The following SNTG1 variants were observed in gnomAD, a reference collection of about 807,000 sequenced individuals.
SNTG1 encodes syntrophin gamma 1, also known as gamma-1-syntrophin.
In SNTG1, 39 loss-of-function variants were observed where a neutral mutation model predicts 74.7. The observed-to-expected ratio is 0.52, with a 90% confidence interval of 0.40 to 0.68. The LOEUF is 0.68. Among genes scored for constraint, SNTG1 ranks in the 30% least tolerant of loss-of-function variants. SNTG1 has a pLI of 0.00. For missense variants in SNTG1, 685 were observed against 609.5 expected (o/e 1.12, Z -1.30); for synonymous variants, 254 against 217.1 (o/e 1.17, Z -1.49).
intron 13 of SNTG1, among the ~76,000 whole-genome samples, chr8:50,625,807 G>T (rs2094952632): frequency 6.6e-6 from 1 of 152,166 alleles, no homozygotes; most frequent in African/African-American, 2.4e-5. Flanking sequence ...ATCTAAATTT[G>T]TCATAAAATT....
intron 9 of SNTG1, among the ~76,000 whole-genome samples, chr8:50,520,774 A>G (rs1265233540): frequency 6.6e-6 from 1 of 152,188 alleles, no homozygotes; most frequent in Non-Finnish European, 1.5e-5. Flanking sequence ...AGGAAACAAC[A>G]GATGCTGGAG....
intron 8 of SNTG1, among the ~76,000 whole-genome samples, chr8:50,463,211 G>T (rs1006967678): frequency 2.0e-5 from 3 of 152,014 alleles, no homozygotes; most frequent in African/African-American, 7.2e-5. Context: ...CTCCATGGGG[G>T]TTAGAATCAA....
intron 8 of SNTG1, among the ~76,000 whole-genome samples, chr8:50,455,795 A>T: frequency 6.6e-6 from 1 of 152,220 alleles, no homozygotes. Flanking sequence ...GAGCACAAAG[A>T]TCATTTTAGA....
chr8:50,403,443 T>C (rs2092831238), intron 4 of SNTG1, among the ~76,000 whole-genome samples: 1 of 152,184 alleles, frequency 6.6e-6, no homozygotes, highest in South Asian at 2.1e-4. Flanking sequence ...ATTAAACTGT[T>C]CCCATGGGGT....
chr8:50,043,731 A>T (rs1173725033), intron 1 of SNTG1, among the ~76,000 whole-genome samples: 1 of 152,190 alleles, frequency 6.6e-6, no homozygotes, highest in Non-Finnish European at 1.5e-5. Flanking sequence ...AGTATTCCTA[A>T]TTTGTCAGAA....
chr8:50,014,334 C>G (rs927336497), intron 1 of SNTG1, among the ~76,000 whole-genome samples: 12 of 152,106 alleles, frequency 7.9e-5, no homozygotes, highest in Admixed American at 6.6e-4. Flanking sequence ...AAATGTGCAC[C>G]CCACATTATT....
chr8:50,086,447 G>T (rs908298037), intron 1 of SNTG1, among the ~76,000 whole-genome samples: 1 of 152,134 alleles, frequency 6.6e-6, no homozygotes, highest in African/African-American at 2.4e-5. Flanking sequence ...TGTAGAAAAA[G>T]GGTCAATATG....
At chr8:50,140,916 T>C (rs1265575690) in intron 1 of SNTG1, among the ~76,000 whole-genome samples, 1 of 152,200 alleles carries the variant, frequency 6.6e-6, no homozygotes, top group Non-Finnish European at 1.5e-5. Flanking sequence ...AGCAACCATC[T>C]AAGCTCTTTA....
At chr8:50,321,397 C>G (rs1302280677) in intron 2 of SNTG1, among the ~76,000 whole-genome samples, 1 of 152,034 alleles carries the variant, frequency 6.6e-6, no homozygotes, top group Non-Finnish European at 1.5e-5. Context: ...ATTTTTCCAT[C>G]CCTTTATTAT....
intron 2 of SNTG1, among the ~76,000 whole-genome samples, chr8:50,280,349 T>C (rs2088370009): frequency 6.6e-6 from 1 of 152,174 alleles, no homozygotes; most frequent in African/African-American, 2.4e-5. Flanking sequence ...TAGATGTGGG[T>C]TGGGCTTAAA....
At chr8:49,914,270 G>T (rs1563340430) in intron 1 of SNTG1, among the ~76,000 whole-genome samples, 1 of 151,882 alleles carries the variant, frequency 6.6e-6, no homozygotes, top group African/African-American at 2.4e-5. Context: ...CCCACTAAGG[G>T]CATCTATTTG....
At chr8:49,988,400 A>C (rs1007553619) in intron 1 of SNTG1, among the ~76,000 whole-genome samples, 2 of 152,234 alleles carry the variant, frequency 1.3e-5, no homozygotes, top group Non-Finnish European at 2.9e-5. Flanking sequence ...CAAATGATAC[A>C]CAGAGTAAAG....
intron 2 of SNTG1, among the ~76,000 whole-genome samples, chr8:50,333,053 A>G (rs574706728): frequency 2.0e-4 from 31 of 152,362 alleles, no homozygotes; most frequent in African/African-American, 7.0e-4. Flanking sequence ...TTCAGATATG[A>G]AGATATAAAA....
At chr8:50,392,387 G>A (rs1020830579) in intron 2 of SNTG1, among the ~76,000 whole-genome samples, 4 of 152,138 alleles carry the variant, frequency 2.6e-5, no homozygotes, top group South Asian at 2.1e-4. Context: ...CCAAAACATC[G>A]ATTATTCATT....
chr8:50,687,922 T>A (rs1008307353), intron 15 of SNTG1, among the ~76,000 whole-genome samples: 5 of 152,194 alleles, frequency 3.3e-5, no homozygotes, highest in Admixed American at 3.3e-4. Flanking sequence ...CACCTGTTGT[T>A]TCCTGACTTT....
chr8:50,709,588 A>C (rs2095455904), intron 17 of SNTG1, among the ~76,000 whole-genome samples: 1 of 152,176 alleles, frequency 6.6e-6, no homozygotes, highest in African/African-American at 2.4e-5. Flanking sequence ...CATACCTAAA[A>C]AAATCCAATT....
rs2095698541 is a variant in SNTG1, at chr8:50,794,016, ACT to A, written c.*1189_*1190del. ...TGAAAGCCTTAGAGGTGTGCAATTT[ACT>A]CAGATTCCAGGTATTATTCAACTAG... On this transcript the variant is annotated 3_prime_UTR_variant, in exon 19 of 19. Coordinates refer to ENST00000642720, the MANE Select transcript of SNTG1 (RefSeq NM_018967.5). 1 of 151,824 alleles carries A rather than the reference ACT, an allele frequency of 6.6e-6. No homozygotes were observed. Among genetic ancestry groups the A allele is most frequent in the Non-Finnish European group, 1.5e-5 (1 of 67,880 alleles). The allele number at this position is 151,824 out of a possible 1,614,324, so 9.4% of individuals were successfully genotyped here.
At chr8:50,431,304 C>T (rs559061710) in intron 4 of SNTG1, among the ~76,000 whole-genome samples, 3 of 152,212 alleles carry the variant, frequency 2.0e-5, no homozygotes, top group South Asian at 4.1e-4. Flanking sequence ...CAAATGTTCC[C>T]CTCTGATAGG....
chr8:50,524,460 C>T (rs969650614), intron 9 of SNTG1, among the ~76,000 whole-genome samples: 9 of 151,788 alleles, frequency 5.9e-5, no homozygotes, highest in African/African-American at 9.7e-5. Context: ...TACTATTAAC[C>T]GTTTTTAAGT....
Sources: gnomAD v4.1 joint callset for allele counts (sites outside exome capture counted in the v4.1 genomes callset) on GRCh38, gnomAD v4.1.1 for gene constraint, MANE v1.5 for transcripts, NCBI Gene and HGNC (gene_info 2026-07-23, HGNC 2026-07-21) for gene names.